The following ARHGAP5 variants were observed in gnomAD, a reference collection of about 807,000 sequenced individuals.
The protein encoded by ARHGAP5 is rho GTPase-activating protein 5.
A neutral mutation model predicts 116.6 loss-of-function variants in ARHGAP5; 23 were observed. That is an observed-to-expected ratio of 0.20 (90% confidence interval 0.14 to 0.28). The LOEUF (loss-of-function observed/expected upper bound fraction) is 0.28. Ranked by LOEUF, ARHGAP5 falls within the 10% of genes least tolerant of loss-of-function variation. The pLI is 1.00. For synonymous variants in ARHGAP5, 574 were observed against 602.0 expected, an observed-to-expected ratio of 0.95 and a Z score of 0.68; for missense variants, 1,405 against 1,774.8, an observed-to-expected ratio of 0.79 and a Z score of 3.74.
intron 2 of ARHGAP5, among the ~76,000 whole-genome samples, chr14:32,106,878 C>T (rs979642115): frequency 2.4e-4 from 37 of 152,172 alleles, no homozygotes; most frequent in African/African-American, 7.2e-4. Context: ...GTCTTCATCC[C>T]GACATATAGT....
intron 6 of ARHGAP5, among the ~76,000 whole-genome samples, chr14:32,153,565 T>TG (rs1881758080): frequency 7.0e-6 from 1 of 141,852 alleles, no homozygotes; most frequent in South Asian, 2.5e-4. Flanking sequence ...CTCCGCCTCC[T>TG]GGGTTCAAGC....
Position 32,093,725 on chromosome 14 carries a change from A to G in ARHGAP5, c.3056A>G (p.Tyr1019Cys). The G allele has an allele frequency of 3.1e-6, 5 of 1,614,130 alleles. No individual in the cohort carries two copies. The highest frequency in any genetic ancestry group is 4.2e-6 in the Non-Finnish European group (5 of 1,180,000). ...RYRLDLEGNE[Y>C]PIHSTPNCHD... ...AGATTAGATTTGGAAGGAAATGAGT[A>G]TCCTATTCATAGTACCCCAAACTGT... The change falls in exon 2 of 7, where the codon TAT becomes TGT. Residue 1019 changes from tyrosine to cysteine, a missense_variant. Physicochemically the swap from Tyr to Cys is radical, Grantham distance 194. This residue lies in a region of ARHGAP5 where 944 missense variants were observed against 1,095.3 expected (regional missense o/e 0.86). Coordinates refer to ENST00000345122, the MANE Select transcript of ARHGAP5 (RefSeq NM_001030055.2).
At chr14:32,140,230 C>T (rs1219372965) in intron 3 of ARHGAP5, among the ~76,000 whole-genome samples, 2 of 149,664 alleles carry the variant, frequency 1.3e-5, no homozygotes, top group Non-Finnish European at 3.0e-5. Flanking sequence ...AAATCGTCAT[C>T]TAGAAGTGTT....
intron 3 of ARHGAP5, among the ~76,000 whole-genome samples, chr14:32,132,667 A>G (rs1033010783): frequency 6.6e-6 from 1 of 152,086 alleles, no homozygotes; most frequent in Non-Finnish European, 1.5e-5. Context: ...GTCCATGCCT[A>G]TGTCCTGCAT....
intron 2 of ARHGAP5, among the ~76,000 whole-genome samples, chr14:32,112,606 C>T (rs1406300152): frequency 6.6e-6 from 1 of 152,182 alleles, no homozygotes; most frequent in Non-Finnish European, 1.5e-5. Flanking sequence ...GGCGCGGTGG[C>T]TCACGCCTAT....
intron 2 of ARHGAP5, among the ~76,000 whole-genome samples, chr14:32,105,063 T>C (rs1372055108): frequency 6.6e-6 from 1 of 152,158 alleles, no homozygotes; most frequent in African/African-American, 2.4e-5. Context: ...CAAAGGATTA[T>C]ACAGCCCAAA....
chr14:32,110,625 G>C lies in ARHGAP5; in HGVS notation c.3718-6515G>C, dbSNP rs111681659. ...AAAGGAGCGGAGTCCAAGGCATGCA[G>C]ATTGTACATGTCTATTCAAGGAGCC... On this transcript the variant is annotated intron_variant, in intron 2 of 6. Coordinates refer to ENST00000345122, the MANE Select transcript of ARHGAP5 (RefSeq NM_001030055.2). 1.6e-4 allele frequency among the ~76,000 whole-genome samples: 24 copies of C among 152,298 alleles called. No individual in the cohort carries two copies. In the East Asian group the frequency reaches 4.1e-3, roughly 26 times the overall value.
Position 32,159,404 on chromosome 14 carries a change from A to G in ARHGAP5, c.*4456A>G, listed in dbSNP as rs1447522281. On this transcript the variant is annotated 3_prime_UTR_variant, in exon 7 of 7. Coordinates refer to ENST00000345122, the MANE Select transcript of ARHGAP5 (RefSeq NM_001030055.2). The stretch of plus-strand genomic sequence containing the variant: ...TTGCCTAATATTTTAGTTAAGATTT[A>G]GTGTTTTAACCTATTTTTTTAAGTT... The G allele has an allele frequency of 1.3e-5, 2 of 152,094 alleles. No individual in the cohort carries two copies. Among genetic ancestry groups the G allele is most frequent in the Non-Finnish European group, 2.9e-5 (2 of 67,984 alleles). The allele number at this position is 152,094 out of a possible 1,614,324, so 9.4% of individuals were successfully genotyped here.
intron 4 of ARHGAP5, among the ~76,000 whole-genome samples, chr14:32,149,432 T>C (rs1020483695): frequency 2.6e-5 from 4 of 152,122 alleles, no homozygotes; most frequent in Non-Finnish European, 5.9e-5. Flanking sequence ...AAAGGCTTAT[T>C]GCTTGGTTGT....
intron 2 of ARHGAP5, among the ~76,000 whole-genome samples, chr14:32,111,839 A>ATTTTTTTTTTT (rs34512246): frequency 2.1e-5 from 2 of 93,174 alleles, no homozygotes; most frequent in African/African-American, 4.2e-5. Context: ...TTCTTCTTTG[A>ATTTTTTTTTTT]TTTTTTTTTT....
rs531435419 is a variant in ARHGAP5 at position 32,113,365 on chromosome 14, T to A, written c.3718-3775T>A. Among the ~76,000 whole-genome samples the A allele has an allele frequency of 2.6e-4, 40 of 152,344 alleles. No individual in the cohort carries two copies. In the South Asian group the frequency reaches 8.1e-3, roughly 31 times the overall value. The stretch of plus-strand genomic sequence containing the variant: ...CAGTGTCATTAATTAGTGGAAAAAT[T>A]AGAAGTCACATAGGCTCCCCTCCCC... On this transcript the variant is annotated intron_variant, in intron 2 of 6. Transcript: ENST00000345122.
At chr14:32,152,553 T>G (rs1419324895) in intron 6 of ARHGAP5, 25 bp downstream of exon 6, 1 of 1,400,808 alleles carries the variant, frequency 7.1e-7, no homozygotes, top group African/African-American at 1.5e-5. Flanking sequence ...TTAGGGTTTT[T>G]TGGCAAATAA....
chr14:32,139,947 C>T (rs1238424180), intron 3 of ARHGAP5, among the ~76,000 whole-genome samples: 2 of 149,812 alleles, frequency 1.3e-5, no homozygotes, highest in Admixed American at 6.6e-5. Context: ...TTTAAAACCA[C>T]TATATGCCAG....
intron 3 of ARHGAP5, among the ~76,000 whole-genome samples, chr14:32,130,562 A>T (rs1023170780): frequency 2.0e-5 from 3 of 148,624 alleles, no homozygotes; most frequent in Admixed American, 6.7e-5. Context: ...TGATTTTGAG[A>T]TGGAGTCTCG....
At chr14:32,114,153 A>G (rs966023436) in intron 2 of ARHGAP5, among the ~76,000 whole-genome samples, 12 of 152,034 alleles carry the variant, frequency 7.9e-5, no homozygotes, top group Admixed American at 3.9e-4. Flanking sequence ...GCGTGAACCC[A>G]GGAGGCAGAG....
Position 32,094,255 on chromosome 14 carries a change from G to A in ARHGAP5, c.3586G>A (p.Glu1196Lys), listed in dbSNP as rs780291413. 1 of 1,613,814 alleles carries A rather than the reference G, an allele frequency of 6.2e-7. No individual in the cohort carries two copies. Residue 1196 changes from glutamate to lysine, a missense_variant, in exon 2 of 7, where the codon GAA becomes AAA. By Grantham distance (56) the Glu-to-Lys change is moderately conservative (BLOSUM62 1). Coordinates refer to ENST00000345122, the MANE Select transcript of ARHGAP5 (RefSeq NM_001030055.2). The part of the protein sequence containing the change: ...TKRKGRHRGS[E>K]EDPLLSPVET... ...AAGAAAAGGAAGACATCGTGGAAGTGAAGAAGATCCACTTCTTTCTCCTGT... is the reference window on the plus strand; with the variant it reads ...AAGAAAAGGAAGACATCGTGGAAGTAAAGAAGATCCACTTCTTTCTCCTGT...
rs914225054 is a variant in ARHGAP5, at chr14:32,090,945, C to T, written c.276C>T (p.Val92=). 1 of 1,613,504 alleles carries T rather than the reference C, an allele frequency of 6.2e-7. No homozygotes were observed. The highest frequency in any genetic ancestry group is 8.5e-7 in the Non-Finnish European group (1 of 1,179,666). The change falls in exon 2 of 7, where the codon GTC becomes GTT. Residue 92 remains valine, a synonymous_variant. Transcript: ENST00000345122. ...SEDGVECKIH[V]IEQTEFIDDQ... is the part of the protein sequence containing the mutation. ...ATGGAGTAGAATGCAAAATTCATGT[C>T]ATTGAACAAACAGAGTTCATTGATG...
chr14:32,140,966 G>T (rs949405283), intron 3 of ARHGAP5, among the ~76,000 whole-genome samples: 2 of 152,096 alleles, frequency 1.3e-5, no homozygotes, highest in Non-Finnish European at 2.9e-5. Flanking sequence ...AATTCTGTCA[G>T]TTTTTGCCTT....
chr14:32,144,047 G>A (rs1881258516), intron 3 of ARHGAP5, among the ~76,000 whole-genome samples: 1 of 152,092 alleles, frequency 6.6e-6, no homozygotes, highest in Non-Finnish European at 1.5e-5. Flanking sequence ...AAGAACCCTG[G>A]GGATGGAAAG....
Sources: allele counts gnomAD v4.1 joint callset (sites outside exome capture counted in the v4.1 genomes callset), GRCh38; gene constraint gnomAD v4.1.1; regional missense constraint gnomAD v4.1.1; transcripts MANE v1.5; gene names NCBI Gene and HGNC (gene_info 2026-07-23, HGNC 2026-07-21).